NRCAM: variants seen among roughly 807,000 people sequenced by gnomAD.
The protein encoded by NRCAM is neuronal cell adhesion molecule, also known as NgCAM-related cell adhesion molecule.
NRCAM carries 83 observed loss-of-function variants against 156.5 expected under a neutral mutation model. The observed-to-expected ratio is 0.53, with a 90% CI of 0.44 to 0.64. The LOEUF (loss-of-function observed/expected upper bound fraction) is 0.64. Among genes scored for constraint, NRCAM ranks in the 30% least tolerant of loss-of-function variants. The pLI, the probability that NRCAM is intolerant of heterozygous loss-of-function variation, is 0.00. For missense variants in NRCAM, 1,417 were observed against 1,597.3 expected, an observed-to-expected ratio of 0.89 and a Z score of 1.92; for synonymous variants, 538 against 563.9, an observed-to-expected ratio of 0.95 and a Z score of 0.65.
At position 108,221,068 on chromosome 7, in the gene NRCAM, T is replaced by C. The variant is rs1450044420; in HGVS notation, c.890+2657A>G. Among the ~76,000 whole-genome samples, 3 of 152,062 alleles carry C rather than the reference T, an allele frequency of 2.0e-5. No individual in the cohort carries two copies. In the East Asian group the frequency reaches 5.8e-4, roughly 29 times the overall value. ...TGAATAGACAGTTTTCAAAAGAAGA[T>C]ACACAAATGGCCAACAAACATGAAA... On this transcript the variant is annotated intron_variant, in intron 11 of 32. Coordinates refer to ENST00000379028, the MANE Select transcript of NRCAM (RefSeq NM_001037132.4).
chr7:108,201,983 G>A (rs2078411289), intron 13 of NRCAM, among the ~76,000 whole-genome samples: 1 of 152,168 alleles, frequency 6.6e-6, no homozygotes, highest in Admixed American at 6.5e-5. Context: ...TTGGTAGCTG[G>A]ACACAGAGTA....
intron 3 of NRCAM, among the ~76,000 whole-genome samples, chr7:108,257,419 A>G (rs764706880): frequency 1.3e-5 from 2 of 152,224 alleles, no homozygotes; most frequent in African/African-American, 2.4e-5. Flanking sequence ...CACCTTTCAG[A>G]GGATACATTC....
intron 26 of NRCAM, among the ~76,000 whole-genome samples, chr7:108,177,224 C>A (rs1021800439): frequency 4.6e-5 from 7 of 152,046 alleles, no homozygotes; most frequent in African/African-American, 1.7e-4. Context: ...CATGTTCTCA[C>A]TCATAGGTGA....
intron 1 of NRCAM, among the ~76,000 whole-genome samples, chr7:108,412,730 C>A (rs1039593718): frequency 4.6e-5 from 7 of 152,232 alleles, no homozygotes; most frequent in Non-Finnish European, 1.0e-4. Flanking sequence ...CTGGTAACCA[C>A]CATTCTACTC....
At chr7:108,343,766 C>T (rs1365024591) in intron 2 of NRCAM, among the ~76,000 whole-genome samples, 2 of 152,140 alleles carry the variant, frequency 1.3e-5, no homozygotes, top group Non-Finnish European at 2.9e-5. Context: ...TTTACTAGAC[C>T]AGGCCTTTTC....
intron 2 of NRCAM, among the ~76,000 whole-genome samples, chr7:108,341,251 C>A (rs1036335553): frequency 6.6e-6 from 1 of 152,296 alleles, no homozygotes; most frequent in East Asian, 1.9e-4. Context: ...CTGGGGCAAG[C>A]GCCAGCCCAA....
At position 108,399,538 on chromosome 7, in the gene NRCAM, G is replaced by A. The variant is rs989452596; in HGVS notation, c.-276C>T. 6.6e-6 allele frequency: 1 copy of A among 152,124 alleles called. No individual in the cohort carries two copies. Among genetic ancestry groups the A allele is most frequent in the Non-Finnish European group, 1.5e-5 (1 of 68,028 alleles). 9.4% of individuals were successfully genotyped at this position (152,124 alleles called of 1,614,324 possible). Reference sequence around the variant, plus strand: ...CCAACAGCTAAGACCAGCTTTTGTCGAAGTCTTCAGCAAACAGGGGATAAA... The same window carrying A: ...CCAACAGCTAAGACCAGCTTTTGTCAAAGTCTTCAGCAAACAGGGGATAAA... On this transcript the variant is annotated 5_prime_UTR_variant, in exon 2 of 33. Transcript: ENST00000379028.
intron 3 of NRCAM, among the ~76,000 whole-genome samples, chr7:108,308,465 T>A (rs1328982618): frequency 6.6e-6 from 1 of 152,226 alleles, no homozygotes; most frequent in East Asian, 1.9e-4. Context: ...CTACATTTCA[T>A]GTACTGGAGT....
At chr7:108,196,223 C>T (rs1199390991) in intron 14 of NRCAM, among the ~76,000 whole-genome samples, 1 of 152,056 alleles carries the variant, frequency 6.6e-6, no homozygotes, top group Non-Finnish European at 1.5e-5. Flanking sequence ...CTCATCATAA[C>T]CCTAGTGGGT....
At chr7:108,258,417 A>G (rs1488124260) in intron 3 of NRCAM, among the ~76,000 whole-genome samples, 1 of 152,118 alleles carries the variant, frequency 6.6e-6, no homozygotes, top group Non-Finnish European at 1.5e-5. Context: ...CAGCCCTCTC[A>G]ACTCCTTTTC....
At chr7:108,228,182 C>T (rs1468891891) in intron 8 of NRCAM, among the ~76,000 whole-genome samples, 10 of 152,018 alleles carry the variant, frequency 6.6e-5, no homozygotes, top group Non-Finnish European at 1.5e-4. Context: ...ATTAGCCAGG[C>T]GTGGTGGTTT....
intron 3 of NRCAM, among the ~76,000 whole-genome samples, chr7:108,295,786 G>A (rs983697143): frequency 6.6e-6 from 1 of 152,206 alleles, no homozygotes; most frequent in African/African-American, 2.4e-5. Context: ...TTCATGAGTG[G>A]AGAACAGCAT....
At chr7:108,201,383 G>A (rs2078040711) in intron 13 of NRCAM, among the ~76,000 whole-genome samples, 1 of 152,058 alleles carries the variant, frequency 6.6e-6, no homozygotes, top group Admixed American at 6.5e-5. Context: ...GAATCTCTCT[G>A]GATGGGTGGC....
At chr7:108,255,686 C>T (rs372279252) in intron 3 of NRCAM, among the ~76,000 whole-genome samples, 3 of 148,704 alleles carry the variant, frequency 2.0e-5, no homozygotes, top group South Asian at 2.1e-4. Flanking sequence ...ATGTGGGGAG[C>T]GCCTCTACCC....
At chr7:108,347,771 T>C (rs2099373291) in intron 2 of NRCAM, among the ~76,000 whole-genome samples, 1 of 152,150 alleles carries the variant, frequency 6.6e-6, no homozygotes, top group Non-Finnish European at 1.5e-5. Flanking sequence ...TTCCCAAAAA[T>C]GTGAGGAATG....
intron 3 of NRCAM, among the ~76,000 whole-genome samples, chr7:108,275,875 C>T (rs903743826): frequency 6.6e-6 from 1 of 152,076 alleles, no homozygotes; most frequent in Non-Finnish European, 1.5e-5. Flanking sequence ...GCATTTAGTG[C>T]TATAAATTTC....
At chr7:108,198,607 G>T (rs1386390026) in intron 13 of NRCAM, among the ~76,000 whole-genome samples, 1 of 152,084 alleles carries the variant, frequency 6.6e-6, no homozygotes, top group Admixed American at 6.6e-5. Flanking sequence ...AAAAGTTAAC[G>T]ATCAAGAGGA....
In NRCAM at chr7:108,191,812, C is replaced by G. The variant is rs897382270; in HGVS notation, c.1820G>C (p.Ser607Thr). ...DKDHLVVADV[S>T]DDDSGTYTCV... is the part of the protein sequence containing the mutation. ...CGTGTAGGTCCCGCTGTCATCGTCA[C>G]TGACATCAGCTACCACTAGATGATC... Residue 607 changes from serine to threonine, a missense_variant, in exon 18 of 33, where the codon AGT (serine) becomes ACT (threonine). Coordinates refer to ENST00000379028, the MANE Select transcript of NRCAM (RefSeq NM_001037132.4). 4 of 1,613,456 alleles carry G rather than the reference C, an allele frequency of 2.5e-6. No individual in the cohort carries two copies. In the African/African-American group the frequency reaches 5.3e-5, roughly 22 times the overall value.
At chr7:108,343,181 GA>G (rs1345684817) in intron 2 of NRCAM, among the ~76,000 whole-genome samples, 4 of 152,220 alleles carry the variant, frequency 2.6e-5, no homozygotes, top group African/African-American at 9.6e-5. Flanking sequence ...CTCACTCCAG[GA>G]ACTAGTGCTC....
Sources: allele counts gnomAD v4.1 joint callset (sites outside exome capture counted in the v4.1 genomes callset), GRCh38; gene constraint gnomAD v4.1.1; transcripts MANE v1.5; gene names NCBI Gene and HGNC (gene_info 2026-07-23, HGNC 2026-07-21).